The following SLC22A24 variants were observed in gnomAD, a reference collection of about 807,000 sequenced individuals.
SLC22A24 encodes steroid transmembrane transporter SLC22A24.
In SLC22A24, 53 loss-of-function variants were observed where a neutral mutation model predicts 49.8. That is an observed-to-expected ratio of 1.06 (90% CI 0.85 to 1.34). The LOEUF is 1.34. Among genes scored for constraint, SLC22A24 ranks in the 40% most tolerant of loss-of-function variants. SLC22A24 has a pLI of 0.00. For synonymous variants in SLC22A24, 302 were observed against 256.4 expected, an observed-to-expected ratio of 1.18 and a Z score of -1.70; for missense variants, 786 against 675.9, an observed-to-expected ratio of 1.16 and a Z score of -1.81.
chr11:63,109,082 T>G, intron 4 of SLC22A24, among the ~76,000 whole-genome samples: 1 of 148,894 alleles, frequency 6.7e-6, no homozygotes, highest in Non-Finnish European at 1.5e-5. Flanking sequence ...CACCTATGAG[T>G]GAGAATATGT....
At chr11:63,112,256 A>T (rs900720168) in intron 4 of SLC22A24, among the ~76,000 whole-genome samples, 20 of 151,978 alleles carry the variant, frequency 1.3e-4, no homozygotes, top group African/African-American at 4.6e-4. Context: ...TGCTGAGGAG[A>T]GCTTTACTTC....
chr11:63,112,895 G>A (rs1305863132), intron 4 of SLC22A24, among the ~76,000 whole-genome samples: 8 of 149,544 alleles, frequency 5.3e-5, no homozygotes, highest in African/African-American at 2.0e-4. Flanking sequence ...AGTGCCTGTA[G>A]TCCCAGCTAC....
chr11:63,132,555 T>A (rs6591763), intron 2 of SLC22A24, among the ~76,000 whole-genome samples: 120,730 of 151,886 alleles, frequency 0.79, 49,077 homozygotes, highest in East Asian at 0.9. Context: ...GCTGCAGGTC[T>A]GTTGGAGTTT....
intron 4 of SLC22A24, among the ~76,000 whole-genome samples, chr11:63,114,183 C>T (rs1410113959): frequency 1.3e-5 from 2 of 152,106 alleles, no homozygotes; most frequent in East Asian, 3.9e-4. Context: ...CCATTCTTTC[C>T]GTCACTTTCA....
At chr11:63,105,346 G>A (rs1247811947) in intron 4 of SLC22A24, among the ~76,000 whole-genome samples, 1 of 52,718 alleles carries the variant, frequency 1.9e-5, no homozygotes, top group Non-Finnish European at 3.7e-5. Context: ...GGGACTCTCT[G>A]TGGGAGCTCT....
At chr11:63,138,126 G>A (rs2087388353) in intron 1 of SLC22A24, among the ~76,000 whole-genome samples, 1 of 152,170 alleles carries the variant, frequency 6.6e-6, no homozygotes, top group African/African-American at 2.4e-5. Context: ...TGCCTTTCAA[G>A]CCAGCTCAGC....
At chr11:63,094,112 G>C (rs1313529200) in intron 6 of SLC22A24, among the ~76,000 whole-genome samples, 1 of 151,142 alleles carries the variant, frequency 6.6e-6, no homozygotes, top group Non-Finnish European at 1.5e-5. Flanking sequence ...TTTAGCATTA[G>C]GTATATCTCC....
At chr11:63,124,940 C>G (rs1483670279) in intron 2 of SLC22A24, among the ~76,000 whole-genome samples, 1 of 146,070 alleles carries the variant, frequency 6.8e-6, no homozygotes, top group African/African-American at 2.5e-5. Context: ...ACATCACACT[C>G]TGGGGACTGT....
At chr11:63,108,116 C>T (rs1243000413) in intron 4 of SLC22A24, among the ~76,000 whole-genome samples, 1 of 152,064 alleles carries the variant, frequency 6.6e-6, no homozygotes, top group Non-Finnish European at 1.5e-5. Context: ...CCATCAATAC[C>T]TAGTCTATTG....
intron 2 of SLC22A24, 122 bp downstream of exon 2, chr11:63,134,539 CAGAA>C: frequency 1.7e-6 from 1 of 592,254 alleles, no homozygotes; most frequent in Non-Finnish European, 3.0e-6. Context: ...TTCCTGGAGT[CAGAA>C]AGAGAGATCA....
At chr11:63,115,060 T>G (rs938768769) in intron 4 of SLC22A24, among the ~76,000 whole-genome samples, 1 of 152,212 alleles carries the variant, frequency 6.6e-6, no homozygotes, top group Non-Finnish European at 1.5e-5. Flanking sequence ...TTCTCAGAGC[T>G]CATACACTGT....
intron 6 of SLC22A24, among the ~76,000 whole-genome samples, chr11:63,084,876 C>T (rs937089746): frequency 4.6e-5 from 7 of 152,052 alleles, no homozygotes; most frequent in African/African-American, 1.4e-4. Flanking sequence ...GTTTAATTTT[C>T]ATATGTGGCT....
intron 4 of SLC22A24, chr11:63,116,195 C>T: frequency 2.6e-6 from 1 of 379,006 alleles, no homozygotes; most frequent in Non-Finnish European, 4.8e-6. Flanking sequence ...TCTTGATGTG[C>T]TTCTTGGCAA....
chr11:63,120,264 G>A (rs1435379701), intron 2 of SLC22A24, among the ~76,000 whole-genome samples: 2 of 142,784 alleles, frequency 1.4e-5, no homozygotes, highest in Non-Finnish European at 3.0e-5. Context: ...GAGATCACAT[G>A]GACACAGGAA....
chr11:63,096,205 A>G (rs1020424878), intron 5 of SLC22A24, 99 bp from the exon 6 acceptor site: 14 of 735,432 alleles, frequency 1.9e-5, no homozygotes, highest in Admixed American at 5.0e-5. Flanking sequence ...ATTGTAAACT[A>G]TCCTCAAGGA....
chr11:63,141,727 A>G (rs182821319), intron 1 of SLC22A24, among the ~76,000 whole-genome samples: 56 of 152,338 alleles, frequency 3.7e-4, no homozygotes, highest in Middle Eastern at 3.4e-3. Context: ...GAGATTCTTC[A>G]TGGAACAGAG....
At chr11:63,096,302 C>G (rs776088121) in intron 5 of SLC22A24, among the ~76,000 whole-genome samples, 196 bp from the exon 6 acceptor site, 6 of 152,074 alleles carry the variant, frequency 3.9e-5, no homozygotes, top group Non-Finnish European at 8.8e-5. Flanking sequence ...AATGGGAACT[C>G]AGAGGAATTA....
chr11:63,089,953 C>T lies in SLC22A24; in HGVS notation c.1070+6038G>A, dbSNP rs367820577. 5.2e-4 allele frequency among the ~76,000 whole-genome samples: 79 copies of T among 151,540 alleles called. 1 individual carries two copies. The South Asian group carries it at 7.3e-3, about 14-fold the overall frequency. On this transcript the variant is annotated intron_variant, in intron 6 of 9. Coordinates refer to ENST00000612278, the MANE Select transcript of SLC22A24 (RefSeq NM_001136506.2). Reference sequence around the variant, plus strand: ...AAAATTAGCCAGGCGTGGTGGTGGGCGCCTGTCGTCCCAGCTACTCGGGAG... The same window carrying T: ...AAAATTAGCCAGGCGTGGTGGTGGGTGCCTGTCGTCCCAGCTACTCGGGAG...
chr11:63,094,677 C>T (rs1465134437), intron 6 of SLC22A24, among the ~76,000 whole-genome samples: 5 of 152,194 alleles, frequency 3.3e-5, no homozygotes, highest in African/African-American at 1.2e-4. Flanking sequence ...GCCATTCTAA[C>T]TGGTGTGAGA....
Sources: allele counts gnomAD v4.1 joint callset (sites outside exome capture counted in the v4.1 genomes callset), GRCh38; gene constraint gnomAD v4.1.1; transcripts MANE v1.5; gene names NCBI Gene and HGNC (gene_info 2026-07-23, HGNC 2026-07-21).